TIAM2: variants seen among roughly 807,000 people sequenced by gnomAD.
The protein encoded by TIAM2 is TIAM Rac1 associated GEF 2.
TIAM2 carries 80 observed loss-of-function variants against 152.9 expected under a neutral mutation model. The observed-to-expected ratio is 0.52, with a 90% CI of 0.44 to 0.63. TIAM2 has a LOEUF of 0.63. Among genes scored for constraint, TIAM2 ranks in the 30% least tolerant of loss-of-function variants. The pLI is 0.00. For missense variants in TIAM2, 1,965 were observed against 2,120.1 expected, an observed-to-expected ratio of 0.93 and a Z score of 1.44; for synonymous variants, 804 against 838.0, an observed-to-expected ratio of 0.96 and a Z score of 0.70.
chr6:155,053,184 C>T (rs901458623), intron 1 of TIAM2, among the ~76,000 whole-genome samples: 11 of 152,140 alleles, frequency 7.2e-5, no homozygotes, highest in African/African-American at 2.4e-4. Context: ...AGTAAGAATA[C>T]AAGTGTTTAT....
chr6:155,010,958 C>T (rs554463719), intron 1 of TIAM2, among the ~76,000 whole-genome samples: 19 of 151,714 alleles, frequency 1.3e-4, no homozygotes, highest in African/African-American at 3.9e-4. Flanking sequence ...GCAGGAGAAT[C>T]GCTTGAACCC....
At chr6:155,189,252 CTGTT>C (rs549870231) in intron 14 of TIAM2, among the ~76,000 whole-genome samples, 10 of 152,280 alleles carry the variant, frequency 6.6e-5, no homozygotes, top group Middle Eastern at 3.4e-3. Flanking sequence ...AGAGAATGCT[CTGTT>C]TGTGTGTAAA....
At chr6:155,198,487 A>G (rs1280341926) in intron 14 of TIAM2, among the ~76,000 whole-genome samples, 2 of 151,800 alleles carry the variant, frequency 1.3e-5, no homozygotes, top group Non-Finnish European at 2.9e-5. Flanking sequence ...ACATGGAGAA[A>G]CCCCATCTTT....
At chr6:155,117,220 G>A (rs1779036654) in intron 2 of TIAM2, among the ~76,000 whole-genome samples, 1 of 152,050 alleles carries the variant, frequency 6.6e-6, no homozygotes, top group Non-Finnish European at 1.5e-5. Context: ...TTATTGGGCA[G>A]CCCCTGAGCC....
intron 1 of TIAM2, among the ~76,000 whole-genome samples, chr6:155,073,685 G>T (rs1190286039): frequency 6.6e-6 from 1 of 152,100 alleles, no homozygotes; most frequent in Non-Finnish European, 1.5e-5. Context: ...AAAAAGAATT[G>T]AAGAGTCTCT....
chr6:155,021,888 TG>T (rs1265410522), intron 1 of TIAM2, among the ~76,000 whole-genome samples: 1 of 152,186 alleles, frequency 6.6e-6, no homozygotes, highest in Non-Finnish European at 1.5e-5. Flanking sequence ...ACATCAGTGC[TG>T]TTTGAGGTGC....
chr6:155,104,048 C>CACA lies in TIAM2; in HGVS notation c.-118+13669_-118+13670insACA, dbSNP rs1562316922. Among the ~76,000 whole-genome samples, 176 of 89,016 alleles carry CACA rather than the reference C, an allele frequency of 2.0e-3. 17 individuals are homozygous for CACA. The highest frequency in any genetic ancestry group is 8.2e-3 in the African/African-American group (169 of 20,648). 58.4% of individuals were successfully genotyped at this position (89,016 alleles called of 152,430 possible). ...TTACCTCACACACACACACCCCCCC[C>CACA]CCCACACCCCCACACACCCCCACAC... On this transcript the variant is annotated intron_variant, in intron 2 of 26. Transcript: ENST00000682666.
intron 14 of TIAM2, among the ~76,000 whole-genome samples, chr6:155,185,820 C>T (rs1259132915): frequency 6.6e-6 from 1 of 152,152 alleles, no homozygotes; most frequent in Non-Finnish European, 1.5e-5. Context: ...GGCAGCGCCC[C>T]GCCCACCTCT....
At chr6:155,216,988 A>T in intron 15 of TIAM2, 1 of 1,253,086 alleles carries the variant, frequency 8.0e-7, no homozygotes, top group Non-Finnish European at 1.0e-6. Flanking sequence ...TGAGAGGGAG[A>T]GACAACGTGT....
intron 9 of TIAM2, among the ~76,000 whole-genome samples, chr6:155,170,518 T>A (rs1046380582): frequency 1.3e-5 from 2 of 152,108 alleles, no homozygotes; most frequent in African/African-American, 4.8e-5. Flanking sequence ...GGAGGATTGC[T>A]TGAGCCTGGG....
Position 155,250,938 on chromosome 6 carries a change from T to C in TIAM2, c.3977T>C (p.Leu1326Pro). ...KEVTELSMGE[L>P]LMHSTVSWLN... ...GTAACAGAACTTTCGATGGGAGAGCTTCTGATGCACTCTACGGTTTCCTGG... is the reference window on the plus strand; with the variant it reads ...GTAACAGAACTTTCGATGGGAGAGCCTCTGATGCACTCTACGGTTTCCTGG... The change falls in exon 22 of 27, where the codon CTT (leucine) becomes CCT (proline). Residue 1326 changes from leucine (L) to proline (P), a missense_variant. Leu to Pro is a moderately conservative substitution (Grantham distance 98). This residue lies in a region of TIAM2 where 935 missense variants were observed against 980.0 expected (regional missense o/e 0.95). Coordinates refer to ENST00000682666, the MANE Select transcript of TIAM2 (RefSeq NM_012454.4). 6.2e-7 allele frequency: 1 copy of C among 1,614,218 alleles called. No homozygotes were observed. Among genetic ancestry groups the C allele is most frequent in the Admixed American group, 1.7e-5 (1 of 60,030 alleles).
In TIAM2 at chr6:155,256,642, A is replaced by G. The variant is rs1479811737; in HGVS notation, c.4627A>G (p.Ser1543Gly). ...GGCTGAGGGCAGGCAGGACTCCAAGAGCACTTCTCCCGGGAAATACCCACA... is the reference window on the plus strand; with the variant it reads ...GGCTGAGGGCAGGCAGGACTCCAAGGGCACTTCTCCCGGGAAATACCCACA... ...PTAEGRQDSK[S>G]TSPGKYPHPG... Residue 1543 changes from serine (S) to glycine (G), a missense_variant, in exon 27 of 27, where the codon AGC (serine) becomes GGC (glycine). Physicochemically the swap from Ser to Gly is moderately conservative, Grantham distance 56. Coordinates refer to ENST00000682666, the MANE Select transcript of TIAM2 (RefSeq NM_012454.4). 2 of 1,614,200 alleles carry G rather than the reference A, an allele frequency of 1.2e-6. No individual in the cohort carries two copies.
intron 1 of TIAM2, among the ~76,000 whole-genome samples, chr6:155,009,368 C>T (rs1056868233): frequency 1.3e-5 from 2 of 152,116 alleles, no homozygotes; most frequent in African/African-American, 4.8e-5. Context: ...TCCCAAAGTT[C>T]TAGGATTACA....
intron 1 of TIAM2, chr6:155,005,119 C>A (rs1489285646): frequency 8.1e-6 from 2 of 247,624 alleles, no homozygotes; most frequent in Non-Finnish European, 1.7e-5. Context: ...CAAGGCAAGG[C>A]TCTCTCCAAT....
At chr6:155,006,873 T>C (rs1778411343) in intron 1 of TIAM2, among the ~76,000 whole-genome samples, 1 of 151,930 alleles carries the variant, frequency 6.6e-6, no homozygotes, top group Admixed American at 6.5e-5. Context: ...GTATTTTTAG[T>C]AGAGATGAGG....
In TIAM2 at chr6:155,229,311, G is replaced by A. The variant is rs145787874; in HGVS notation, c.3169-11219G>A. On this transcript the variant is annotated intron_variant, in intron 15 of 26. Coordinates refer to ENST00000682666, the MANE Select transcript of TIAM2 (RefSeq NM_012454.4). The stretch of plus-strand genomic sequence containing the variant: ...TCTTGCCCTTCCTTTGGGGCACTCG[G>A]GAAATTTATTCTTCCATACTTGTAA... Among the ~76,000 whole-genome samples, 55 of 152,278 alleles carry A rather than the reference G, an allele frequency of 3.6e-4. No homozygotes were observed. The East Asian group carries it at 9.1e-3, about 25-fold the overall frequency.
chr6:155,222,755 C>G (rs1246413838), intron 15 of TIAM2, among the ~76,000 whole-genome samples: 2 of 152,094 alleles, frequency 1.3e-5, no homozygotes, highest in Non-Finnish European at 1.5e-5. Flanking sequence ...GCTGTCCTGC[C>G]CTGATGTCTC....
intron 15 of TIAM2, among the ~76,000 whole-genome samples, chr6:155,238,999 G>A (rs993838790): frequency 3.3e-5 from 5 of 152,114 alleles, no homozygotes; most frequent in African/African-American, 1.2e-4. Flanking sequence ...AGTTGAGAGT[G>A]GCCTCTTTTT....
intron 2 of TIAM2, among the ~76,000 whole-genome samples, chr6:155,109,972 C>T (rs1238491267): frequency 1.5e-5 from 2 of 137,844 alleles, no homozygotes; most frequent in East Asian, 4.5e-4. Flanking sequence ...TTTTTTAAGA[C>T]AGAGTCTCAC....
Sources: allele counts gnomAD v4.1 joint callset (sites outside exome capture counted in the v4.1 genomes callset), GRCh38; gene constraint gnomAD v4.1.1; regional missense constraint gnomAD v4.1.1; transcripts MANE v1.5; gene names NCBI Gene and HGNC (gene_info 2026-07-23, HGNC 2026-07-21).